The following PDZRN4 variants were observed in gnomAD, a reference collection of about 807,000 sequenced individuals.
PDZRN4 encodes the protein PDZ domain containing ring finger 4, also known as PDZ domain-containing RING finger protein 4.
Under a neutral mutation model 99.0 loss-of-function variants are expected in PDZRN4, and 70 were observed. The ratio of observed to expected loss-of-function variants is 0.71; its 90% CI spans 0.58 to 0.86. PDZRN4 has a LOEUF of 0.86. PDZRN4 is among the 40% of genes least tolerant of loss of function. The probability of loss-of-function intolerance (pLI) is 0.00; values close to 1 mark genes in which losing one functional copy is unlikely to be tolerated. For synonymous variants in PDZRN4, 551 were observed against 501.6 expected, an observed-to-expected ratio of 1.10 and a Z score of -1.32; for missense variants, 1,474 against 1,331.2, an observed-to-expected ratio of 1.11 and a Z score of -1.67.
chr12:41,449,623 C>A (rs1218823792), intron 3 of PDZRN4, among the ~76,000 whole-genome samples: 1 of 152,074 alleles, frequency 6.6e-6, no homozygotes, highest in Non-Finnish European at 1.5e-5. Context: ...CAGGGAGGAA[C>A]AAAGTGTCAT....
intron 5 of PDZRN4, among the ~76,000 whole-genome samples, chr12:41,532,245 G>A (rs567260782): frequency 2.1e-4 from 32 of 152,172 alleles, no homozygotes; most frequent in Admixed American, 9.2e-4. Flanking sequence ...GTATGAGTCC[G>A]TTTCTGGTCT....
At chr12:41,358,978 G>C (rs1442944434) in intron 3 of PDZRN4, among the ~76,000 whole-genome samples, 1 of 151,828 alleles carries the variant, frequency 6.6e-6, no homozygotes, top group Non-Finnish European at 1.5e-5. Context: ...ATGATTAAAG[G>C]TCTGGGATTG....
chr12:41,409,642 A>G (rs1358469993), intron 3 of PDZRN4: 4 of 152,174 alleles, frequency 2.6e-5, no homozygotes, highest in Non-Finnish European at 5.9e-5. Flanking sequence ...TTAAATATAT[A>G]TTTTTCAATA....
intron 3 of PDZRN4, among the ~76,000 whole-genome samples, chr12:41,283,228 A>G (rs1320562296): frequency 6.6e-6 from 1 of 152,222 alleles, no homozygotes; most frequent in Non-Finnish European, 1.5e-5. Flanking sequence ...AGAGAATATT[A>G]TAACACTTCT....
chr12:41,495,659 G>A (rs1592084377), intron 3 of PDZRN4, among the ~76,000 whole-genome samples: 1 of 152,076 alleles, frequency 6.6e-6, no homozygotes, highest in African/African-American at 2.4e-5. Flanking sequence ...ACCTAAATGA[G>A]GCCACACTAC....
At chr12:41,232,133 C>T (rs1443312347) in intron 3 of PDZRN4, among the ~76,000 whole-genome samples, 1 of 151,824 alleles carries the variant, frequency 6.6e-6, no homozygotes, top group Admixed American at 6.6e-5. Context: ...AGCAGTGGAA[C>T]CACTGAGATT....
intron 3 of PDZRN4, among the ~76,000 whole-genome samples, chr12:41,358,019 G>A (rs1951939335): frequency 6.6e-6 from 1 of 152,008 alleles, no homozygotes; most frequent in African/African-American, 2.4e-5. Flanking sequence ...TCTGCCTCTT[G>A]CTTTGGAGAC....
At chr12:41,297,144 AT>A (rs1951500991) in intron 3 of PDZRN4, among the ~76,000 whole-genome samples, 1 of 152,064 alleles carries the variant, frequency 6.6e-6, no homozygotes, top group Admixed American at 6.6e-5. Flanking sequence ...GAGAAGTAAA[AT>A]TTCTGTTTTT....
At chr12:41,478,985 T>A (rs1937631858) in intron 3 of PDZRN4, among the ~76,000 whole-genome samples, 1 of 152,144 alleles carries the variant, frequency 6.6e-6, no homozygotes, top group African/African-American at 2.4e-5. Flanking sequence ...GTTGAGAAAA[T>A]AAAGACCAAA....
At chr12:41,301,322 T>C (rs953388842) in intron 3 of PDZRN4, among the ~76,000 whole-genome samples, 2 of 152,172 alleles carry the variant, frequency 1.3e-5, no homozygotes, top group South Asian at 4.1e-4. Context: ...TTTCTCAAAT[T>C]TTCAATATTT....
At chr12:41,305,245 C>A (rs1207553267) in intron 3 of PDZRN4, among the ~76,000 whole-genome samples, 3 of 152,184 alleles carry the variant, frequency 2.0e-5, no homozygotes, top group African/African-American at 7.2e-5. Flanking sequence ...TGAACTTACA[C>A]ACATACAACA....
chr12:41,331,268 T>C (rs1212217114), intron 3 of PDZRN4, among the ~76,000 whole-genome samples: 2 of 152,064 alleles, frequency 1.3e-5, no homozygotes, highest in Non-Finnish European at 2.9e-5. Context: ...GTTTTAAAGA[T>C]GTTAAGTATA....
intron 3 of PDZRN4, among the ~76,000 whole-genome samples, chr12:41,428,054 C>T (rs1208968546): frequency 6.6e-6 from 1 of 152,188 alleles, no homozygotes; most frequent in Non-Finnish European, 1.5e-5. Context: ...CGCCATTGCA[C>T]TTCAGCCTGG....
chr12:41,381,038 C>T (rs113121788), intron 3 of PDZRN4, among the ~76,000 whole-genome samples: 1,684 of 152,112 alleles, frequency 0.011, 31 homozygotes, highest in African/African-American at 0.039. Flanking sequence ...ATATTTTAAA[C>T]ATATCACCCC....
intron 3 of PDZRN4, among the ~76,000 whole-genome samples, chr12:41,382,026 C>A (rs1006838701): frequency 6.6e-6 from 1 of 152,096 alleles, no homozygotes; most frequent in Non-Finnish European, 1.5e-5. Context: ...CATAGTCAGG[C>A]AGGGCTGCTG....
chr12:41,472,396 C>A (rs774239604), intron 3 of PDZRN4, among the ~76,000 whole-genome samples: 3 of 152,088 alleles, frequency 2.0e-5, no homozygotes, highest in African/African-American at 4.8e-5. Flanking sequence ...AACTAGATAC[C>A]CTTTTATAGA....
At chr12:41,234,679 C>T (rs1318024919) in intron 3 of PDZRN4, among the ~76,000 whole-genome samples, 2 of 151,942 alleles carry the variant, frequency 1.3e-5, no homozygotes, top group Non-Finnish European at 2.9e-5. Context: ...GCATAAAAAC[C>T]CTAAAGGACA....
chr12:41,198,349 C>G (rs1014501435), intron 3 of PDZRN4, among the ~76,000 whole-genome samples: 1 of 152,020 alleles, frequency 6.6e-6, no homozygotes, highest in African/African-American at 2.4e-5. Flanking sequence ...CCTGCAGCTC[C>G]AGGCCAATGT....
intron 3 of PDZRN4, among the ~76,000 whole-genome samples, chr12:41,284,602 A>G (rs961486530): frequency 6.5e-4 from 99 of 152,362 alleles, no homozygotes; most frequent in African/African-American, 2.3e-3. Flanking sequence ...ACCTGACTTC[A>G]AACTACATTA....
Sources: allele counts gnomAD v4.1 joint callset (sites outside exome capture counted in the v4.1 genomes callset), GRCh38; gene constraint gnomAD v4.1.1; transcripts MANE v1.5; gene names NCBI Gene and HGNC (gene_info 2026-07-23, HGNC 2026-07-21).